ABLIM3: variants seen among roughly 807,000 people sequenced by gnomAD.
The protein encoded by ABLIM3 is actin binding LIM protein family member 3.
ABLIM3 carries 61 observed loss-of-function variants against 109.5 expected under a neutral mutation model. The observed-to-expected ratio is 0.56, with a 90% CI of 0.45 to 0.69. The LOEUF (loss-of-function observed/expected upper bound fraction) is 0.69, where lower values mean the gene tolerates loss of function less well. ABLIM3 is among the 30% of genes least tolerant of loss of function. ABLIM3 has a pLI of 0.00. For missense variants in ABLIM3, 796 were observed against 889.5 expected, an observed-to-expected ratio of 0.89 and a Z score of 1.34; for synonymous variants, 300 against 324.8, an observed-to-expected ratio of 0.92 and a Z score of 0.82.
chr5:149,225,222 A>G (rs1761052250), intron 8 of ABLIM3, among the ~76,000 whole-genome samples: 1 of 143,118 alleles, frequency 7.0e-6, no homozygotes, highest in African/African-American at 2.4e-5. Context: ...TGCATTCACA[A>G]TGTTGTACAA....
intron 23 of ABLIM3, among the ~76,000 whole-genome samples, chr5:149,253,773 G>A (rs1040341750): frequency 6.6e-6 from 1 of 152,126 alleles, no homozygotes; most frequent in Non-Finnish European, 1.5e-5. Context: ...CTCTGGTGCT[G>A]GAGCACACTC....
chr5:149,154,707 A>G (rs560232802), intron 2 of ABLIM3, among the ~76,000 whole-genome samples: 10 of 152,148 alleles, frequency 6.6e-5, no homozygotes, highest in Non-Finnish European at 1.0e-4. Context: ...TCATTAGCTC[A>G]TTTTCTTTGT....
intron 8 of ABLIM3, chr5:149,220,028 T>C (rs1760485067): frequency 6.6e-6 from 1 of 152,212 alleles, no homozygotes; most frequent in African/African-American, 2.4e-5. Context: ...TCTCTGAAAC[T>C]TGGCTGTCTA....
intron 2 of ABLIM3, among the ~76,000 whole-genome samples, chr5:149,169,766 G>A (rs931152647): frequency 2.0e-5 from 3 of 152,162 alleles, no homozygotes; most frequent in Non-Finnish European, 4.4e-5. Context: ...GAGAGCAGGG[G>A]CCATGTTCAC....
At chr5:149,204,757 G>T (rs896560662) in intron 5 of ABLIM3, among the ~76,000 whole-genome samples, 3 of 152,202 alleles carry the variant, frequency 2.0e-5, no homozygotes, top group South Asian at 4.1e-4. Context: ...GCAAGTCTGG[G>T]CTTAGAGAGC....
intron 7 of ABLIM3, among the ~76,000 whole-genome samples, chr5:149,215,434 T>A (rs1759972709): frequency 6.6e-6 from 1 of 152,016 alleles, no homozygotes; most frequent in African/African-American, 2.4e-5. Flanking sequence ...AAAATCTGCC[T>A]TTCCCACATT....
chr5:149,196,360 G>T (rs527421768), intron 3 of ABLIM3, among the ~76,000 whole-genome samples: 3 of 152,330 alleles, frequency 2.0e-5, no homozygotes, highest in African/African-American at 4.8e-5. Flanking sequence ...CTCAGTTCCA[G>T]GTTGACTCTT....
In ABLIM3 at chr5:149,149,057, C is replaced by T. The variant is rs144903324; in HGVS notation, c.13+6949C>T. 1.4e-3 allele frequency among the ~76,000 whole-genome samples: 216 copies of T among 152,308 alleles called. 1 individual carries two copies. Among genetic ancestry groups the T allele is most frequent in the African/African-American group, 5.1e-3 (211 of 41,570 alleles). ...TAACAAATTACTTTTTTAGAGTAGA[C>T]TTTGTTCTGTTGAAGAGAGTATTGA... On this transcript the variant is annotated intron_variant, in intron 2 of 23. Transcript: ENST00000309868.
At chr5:149,219,268 C>T (rs1050883574) in intron 8 of ABLIM3, 3 of 152,200 alleles carry the variant, frequency 2.0e-5, no homozygotes, top group Non-Finnish European at 4.4e-5. Context: ...GCCACATGTC[C>T]CTAGGGGGTC....
chr5:149,206,041 G>T (rs1398457487), intron 5 of ABLIM3, among the ~76,000 whole-genome samples: 2 of 152,250 alleles, frequency 1.3e-5, no homozygotes, highest in African/African-American at 2.4e-5. Context: ...CAACAGGGAA[G>T]TTTGTCCTCT....
chr5:149,254,118 C>A (rs1754216617), intron 23 of ABLIM3, among the ~76,000 whole-genome samples: 1 of 152,128 alleles, frequency 6.6e-6, no homozygotes, highest in Non-Finnish European at 1.5e-5. Context: ...CCACCTGGCC[C>A]CATCCTTGAC....
intron 3 of ABLIM3, among the ~76,000 whole-genome samples, chr5:149,197,404 C>T (rs1581105861): frequency 6.6e-6 from 1 of 152,180 alleles, no homozygotes; most frequent in East Asian, 1.9e-4. Flanking sequence ...CTTCCTTCTT[C>T]TACCTCATTC....
intron 5 of ABLIM3, among the ~76,000 whole-genome samples, chr5:149,204,007 C>T (rs1049950132): frequency 6.6e-5 from 10 of 152,212 alleles, no homozygotes; most frequent in African/African-American, 2.4e-4. Flanking sequence ...ATTCCCTTAA[C>T]ACTCTGTACC....
intron 8 of ABLIM3, among the ~76,000 whole-genome samples, chr5:149,226,927 G>A (rs1481687990): frequency 1.3e-5 from 2 of 151,966 alleles, no homozygotes; most frequent in African/African-American, 2.4e-5. Context: ...AAAATTAGCC[G>A]GGTGTTGTAG....
At chr5:149,213,197 G>C (rs973350122) in intron 7 of ABLIM3, among the ~76,000 whole-genome samples, 1 of 152,182 alleles carries the variant, frequency 6.6e-6, no homozygotes, top group African/African-American at 2.4e-5. Context: ...TCTTAAAAAC[G>C]TGAGGCTTTG....
At chr5:149,192,949 C>T (rs12109595) in intron 3 of ABLIM3, among the ~76,000 whole-genome samples, 7,580 of 152,084 alleles carry the variant, frequency 0.05, 578 homozygotes, top group African/African-American at 0.17. Context: ...ATCCAAACTG[C>T]AGAAATGACT....
At chr5:149,164,056 T>C (rs1754616208) in intron 2 of ABLIM3, 1 of 152,230 alleles carries the variant, frequency 6.6e-6, no homozygotes, top group Non-Finnish European at 1.5e-5. Flanking sequence ...CCCTAAAGCA[T>C]GGTAACCATG....
At position 149,211,093 on chromosome 5, in the gene ABLIM3, G is replaced by A. The variant is rs192313841; in HGVS notation, c.669+274G>A. Among the ~76,000 whole-genome samples, 338 of 152,268 alleles carry A rather than the reference G, an allele frequency of 2.2e-3. 2 individuals carry two copies. The highest frequency in any genetic ancestry group is 5.6e-3 in the South Asian group (27 of 4,824). On this transcript the variant is annotated intron_variant, in intron 7 of 23. Coordinates refer to ENST00000309868, the MANE Select transcript of ABLIM3 (RefSeq NM_014945.5). Reference sequence around the variant, plus strand: ...ATTCGGACCCAGACAGATTTCTAAAGAGTGACATTAGGATTTTCCTCCCAG... The same window carrying A: ...ATTCGGACCCAGACAGATTTCTAAAAAGTGACATTAGGATTTTCCTCCCAG...
At chr5:149,184,916 C>A (rs1756809463) in intron 3 of ABLIM3, among the ~76,000 whole-genome samples, 1 of 152,138 alleles carries the variant, frequency 6.6e-6, no homozygotes, top group South Asian at 2.1e-4. Flanking sequence ...ATACGGGATA[C>A]ATTTTAACTG....
Sources: allele counts gnomAD v4.1 joint callset (sites outside exome capture counted in the v4.1 genomes callset), GRCh38; gene constraint gnomAD v4.1.1; transcripts MANE v1.5; gene names NCBI Gene and HGNC (gene_info 2026-07-23, HGNC 2026-07-21).